The following TP63 variants were observed in gnomAD, a reference collection of about 807,000 sequenced individuals.
TP63 encodes the protein tumor protein p63, also known as tumor protein 63.
In TP63, 17 loss-of-function variants were observed where a neutral mutation model predicts 82.8. The observed-to-expected ratio is 0.21, with a 90% CI of 0.14 to 0.31. TP63 has a LOEUF of 0.31. TP63 is among the 10% of genes least tolerant of loss of function. The pLI is 1.00. For missense variants in TP63, 648 were observed against 895.3 expected (o/e 0.72, Z 3.52); for synonymous variants, 330 against 321.7 (o/e 1.03, Z -0.28).
intron 1 of TP63, among the ~76,000 whole-genome samples, chr3:189,646,651 G>A (rs1712446837): frequency 6.8e-6 from 1 of 146,244 alleles, no homozygotes; most frequent in Admixed American, 6.7e-5. Flanking sequence ...ATTGCTTCAG[G>A]CCAAGTGAAG....
At chr3:189,781,743 G>A (rs1724250271) in intron 3 of TP63, among the ~76,000 whole-genome samples, 1 of 152,160 alleles carries the variant, frequency 6.6e-6, no homozygotes, top group African/African-American at 2.4e-5. Context: ...AACTAAAAGT[G>A]AAGCCTAAAA....
chr3:189,791,242 A>G (rs1351490814), intron 3 of TP63, among the ~76,000 whole-genome samples: 2 of 152,146 alleles, frequency 1.3e-5, no homozygotes, highest in Non-Finnish European at 2.9e-5. Context: ...TTTCACACAC[A>G]GTATTTATAA....
chr3:189,598,216 A>G, the TP63 span, among the ~76,000 whole-genome samples: 1 of 149,136 alleles, frequency 6.7e-6, no homozygotes. Flanking sequence ...AAACAAATCT[A>G]GCATGCATAT....
intron 10 of TP63, among the ~76,000 whole-genome samples, chr3:189,874,106 G>A (rs1718750468): frequency 6.6e-6 from 1 of 152,186 alleles, no homozygotes; most frequent in Admixed American, 6.5e-5. Flanking sequence ...GTCTCGCTCT[G>A]TCACCCAGGT....
chr3:189,674,243 G>A (rs567047195), intron 1 of TP63, among the ~76,000 whole-genome samples: 1 of 152,208 alleles, frequency 6.6e-6, no homozygotes, highest in South Asian at 2.1e-4. Context: ...AGATAGCATT[G>A]TTCCAGGACT....
chr3:189,614,542 A>G, the TP63 span, among the ~76,000 whole-genome samples: 3 of 152,188 alleles, frequency 2.0e-5, no homozygotes, highest in Non-Finnish European at 4.4e-5. Flanking sequence ...CTAAGTGGGA[A>G]CTTCTTTATT....
chr3:189,702,282 A>G (rs1717873044), intron 1 of TP63, among the ~76,000 whole-genome samples: 1 of 152,250 alleles, frequency 6.6e-6, no homozygotes, highest in Non-Finnish European at 1.5e-5. Context: ...TTGACAATGA[A>G]TCTCAACTTT....
chr3:189,849,142 G>A (rs1271668364), intron 4 of TP63, among the ~76,000 whole-genome samples: 1 of 152,108 alleles, frequency 6.6e-6, no homozygotes, highest in Non-Finnish European at 1.5e-5. Context: ...GCCCAGGGAG[G>A]GCATGGAAAC....
Position 189,894,547 on chromosome 3 carries a change from C to T in TP63, c.*45C>T, listed in dbSNP as rs34057105. On this transcript the variant is annotated 3_prime_UTR_variant, in exon 14 of 14. Coordinates refer to ENST00000264731, the MANE Select transcript of TP63 (RefSeq NM_003722.5). ...TCCTATCCCTCTCCTAACTGCCAGCCCCCTAAAAGCACTCCTGCTTAATCT... is the reference window on the plus strand; with the variant it reads ...TCCTATCCCTCTCCTAACTGCCAGCTCCCTAAAAGCACTCCTGCTTAATCT... 0.067 allele frequency: 107,971 copies of T among 1,605,380 alleles called. 4,123 individuals are homozygous for T. Among genetic ancestry groups the T allele is most frequent in the Middle Eastern group, 0.097 (441 of 4,560 alleles).
the TP63 span, among the ~76,000 whole-genome samples, chr3:189,610,567 C>T: frequency 2.6e-5 from 4 of 152,108 alleles, no homozygotes; most frequent in Non-Finnish European, 4.4e-5. Context: ...TTGTCCATGT[C>T]GTTATCAGCA....
At chr3:189,854,359 TAG>T (rs1473450346) in intron 4 of TP63, among the ~76,000 whole-genome samples, 1 of 152,148 alleles carries the variant, frequency 6.6e-6, no homozygotes, top group African/African-American at 2.4e-5. Flanking sequence ...TCCTCCCGAG[TAG>T]CTGGGATTAC....
At chr3:189,674,479 A>C (rs1715211111) in intron 1 of TP63, among the ~76,000 whole-genome samples, 1 of 152,170 alleles carries the variant, frequency 6.6e-6, no homozygotes, top group Admixed American at 6.6e-5. Context: ...CAGAAGCGTC[A>C]ATATAGAATG....
the TP63 span, among the ~76,000 whole-genome samples, chr3:189,599,208 T>G: frequency 6.6e-6 from 1 of 152,242 alleles, no homozygotes; most frequent in Admixed American, 6.5e-5. Flanking sequence ...TGTTTCTGTT[T>G]TCCTACTCTT....
intron 1 of TP63, among the ~76,000 whole-genome samples, chr3:189,713,029 G>A (rs1191055616): frequency 6.6e-6 from 1 of 152,052 alleles, no homozygotes; most frequent in East Asian, 1.9e-4. Context: ...AAAGAGCTAG[G>A]TTTGCCTGGG....
intron 3 of TP63, among the ~76,000 whole-genome samples, chr3:189,778,087 G>A (rs970096738): frequency 1.3e-5 from 2 of 151,710 alleles, no homozygotes; most frequent in East Asian, 1.9e-4. Flanking sequence ...GGCTGGTCTC[G>A]AACTCCTGGC....
At chr3:189,684,963 G>C (rs1716316261) in intron 1 of TP63, among the ~76,000 whole-genome samples, 1 of 151,958 alleles carries the variant, frequency 6.6e-6, no homozygotes, top group Non-Finnish European at 1.5e-5. Context: ...TTGTGTAATA[G>C]ATATAATCAA....
chr3:189,789,449 G>T (rs1576958842), intron 3 of TP63, among the ~76,000 whole-genome samples: 1 of 151,638 alleles, frequency 6.6e-6, no homozygotes. Flanking sequence ...TTACCTGTCT[G>T]TCTCCTGGGT....
At chr3:189,839,405 G>A (rs1713650439) in intron 4 of TP63, among the ~76,000 whole-genome samples, 1 of 152,152 alleles carries the variant, frequency 6.6e-6, no homozygotes. Flanking sequence ...AAATAGTAAA[G>A]TGTGGTTCCT....
At chr3:189,709,137 G>T (rs4687088) in intron 1 of TP63, among the ~76,000 whole-genome samples, 3 of 152,030 alleles carry the variant, frequency 2.0e-5, no homozygotes, top group Non-Finnish European at 4.4e-5. Context: ...AATGTACACT[G>T]CAGCTGAAAT....
Sources: gnomAD v4.1 joint callset for allele counts (sites outside exome capture counted in the v4.1 genomes callset) on GRCh38, gnomAD v4.1.1 for gene constraint, MANE v1.5 for transcripts, NCBI Gene and HGNC (gene_info 2026-07-23, HGNC 2026-07-21) for gene names.